Variants in IGSF11 observed in about 807,000 individuals in gnomAD.
IGSF11 encodes the protein CXADR like 1.
IGSF11 carries 22 observed loss-of-function variants against 41.0 expected under a neutral mutation model. That is an observed-to-expected ratio of 0.54 (90% CI 0.38 to 0.77). The LOEUF (loss-of-function observed/expected upper bound fraction) is 0.77. Among genes scored for constraint, IGSF11 ranks in the 30% least tolerant of loss-of-function variants. IGSF11 has a pLI of 0.00. For synonymous variants in IGSF11, 219 were observed against 201.3 expected (o/e 1.09, Z -0.74); for missense variants, 444 against 530.8 (o/e 0.84, Z 1.61).
rs1363645582 is a variant in IGSF11, at chr3:118,926,219, G to A, written c.462C>T (p.Ser154=). 1 of 1,609,494 alleles carries A rather than the reference G, an allele frequency of 6.2e-7. No individual in the cohort carries two copies. Among genetic ancestry groups the A allele is most frequent in the African/African-American group, 1.3e-5 (1 of 74,892 alleles). Residue 154 remains serine (S), a synonymous_variant, in exon 4 of 7, where the codon TCC becomes TCT. Transcript: ENST00000393775. Reference sequence around the variant, plus strand: ...GGATGACATCGCTGCCAATATCCTGGGATCCTTGGATTTGGCAGTGTGGGG... The same window carrying A: ...GGATGACATCGCTGCCAATATCCTGAGATCCTTGGATTTGGCAGTGTGGGG... ...PSAPHCQIQG[S]QDIGSDVILL... is the part of the protein sequence containing the mutation.
intron 1 of IGSF11, among the ~76,000 whole-genome samples, chr3:119,135,523 A>T (rs2077549046): frequency 6.6e-6 from 1 of 152,226 alleles, no homozygotes; most frequent in Admixed American, 6.5e-5. Context: ...ATATCATCTC[A>T]CGCAGGTTAG....
At position 119,016,283 on chromosome 3, in the gene IGSF11, G is replaced by A. The variant is rs560444645; in HGVS notation, c.52+18248C>T. On this transcript the variant is annotated intron_variant, in intron 1 of 6. Coordinates refer to ENST00000393775, the MANE Select transcript of IGSF11 (RefSeq NM_001015887.3). ...AGCTGGGGAAGCCAGGTGGCATATG[G>A]CATGTGTTCAAAGGTTCTCAAAGTA... Among the ~76,000 whole-genome samples, 7 of 152,308 alleles carry A rather than the reference G, an allele frequency of 4.6e-5. No homozygotes were observed. In the East Asian group the frequency reaches 1.3e-3, roughly 29 times the overall value.
intron 1 of IGSF11, among the ~76,000 whole-genome samples, chr3:118,952,918 T>C (rs1376882826): frequency 1.3e-5 from 2 of 152,108 alleles, no homozygotes; most frequent in African/African-American, 4.8e-5. Flanking sequence ...TTTATTTCCA[T>C]AGGTTTTTGG....
chr3:118,969,265 C>G (rs1459882492), intron 1 of IGSF11, among the ~76,000 whole-genome samples: 1 of 152,150 alleles, frequency 6.6e-6, no homozygotes, highest in Non-Finnish European at 1.5e-5. Context: ...AATGACAGCT[C>G]TGTCAGGGCT....
intron 1 of IGSF11, among the ~76,000 whole-genome samples, chr3:119,040,247 A>G (rs1407365543): frequency 6.6e-6 from 1 of 152,126 alleles, no homozygotes; most frequent in Non-Finnish European, 1.5e-5. Context: ...CCCTCCCAGG[A>G]AATGACTCAG....
intron 1 of IGSF11, among the ~76,000 whole-genome samples, chr3:118,934,854 T>G (rs1943120845): frequency 6.6e-6 from 1 of 152,198 alleles, no homozygotes; most frequent in African/African-American, 2.4e-5. Context: ...AAATTTCTCT[T>G]GACTCCTGGA....
intron 1 of IGSF11, among the ~76,000 whole-genome samples, chr3:118,997,086 T>C (rs570054070): frequency 2.6e-5 from 4 of 152,316 alleles, no homozygotes; most frequent in Admixed American, 2.0e-4. Context: ...CAACTGGTAG[T>C]AGGAGCCTGA....
At position 118,902,631 on chromosome 3, in the gene IGSF11, C is replaced by T. The variant is rs1440419449; in HGVS notation, c.1185G>A (p.Lys395=). The change falls in exon 7 of 7, where the codon AAG becomes AAA. Residue 395 remains lysine (K), a synonymous_variant. Coordinates refer to ENST00000393775, the MANE Select transcript of IGSF11 (RefSeq NM_001015887.3). ...MSRSNGSVSR[K]PRPPHTHSYT... Reference sequence around the variant, plus strand: ...AGGAATGAGTGTGTGGAGGCCGAGGCTTCCTACTGACTGAGCCATTGCTCC... The same window carrying T: ...AGGAATGAGTGTGTGGAGGCCGAGGTTTCCTACTGACTGAGCCATTGCTCC... The T allele has an allele frequency of 7.4e-6, 12 of 1,614,078 alleles. No individual in the cohort carries two copies. The highest frequency in any genetic ancestry group is 5.0e-5 in the Admixed American group (3 of 60,016).
chr3:119,019,730 C>T (rs141573128), intron 1 of IGSF11, among the ~76,000 whole-genome samples: 617 of 152,242 alleles, frequency 4.1e-3, no homozygotes, highest in South Asian at 1.0e-2. Context: ...AAATGCTCCT[C>T]CGTGAGGGTA....
intron 4 of IGSF11, among the ~76,000 whole-genome samples, chr3:118,913,821 T>A (rs1329121129): frequency 6.6e-6 from 1 of 152,034 alleles, no homozygotes; most frequent in Non-Finnish European, 1.5e-5. Flanking sequence ...AAGTTAAAAA[T>A]AAGGTGGAAC....
intron 2 of IGSF11, 92 bp from the exon 3 acceptor site, chr3:118,928,808 A>G: frequency 1.1e-6 from 1 of 897,364 alleles, no homozygotes; most frequent in Non-Finnish European, 1.7e-6. Flanking sequence ...CAAATGCTGC[A>G]CCAAACATTG....
intron 1 of IGSF11, among the ~76,000 whole-genome samples, chr3:118,969,045 T>C (rs544702259): frequency 6.6e-6 from 1 of 152,246 alleles, no homozygotes; most frequent in South Asian, 2.1e-4. Context: ...GCCCACCATA[T>C]GCTAGCATTC....
chr3:118,960,044 CAAAAAAA>C (rs199913346), intron 1 of IGSF11, among the ~76,000 whole-genome samples: 3 of 81,122 alleles, frequency 3.7e-5, no homozygotes, highest in African/African-American at 1.6e-4. Flanking sequence ...GACTCCGTCT[CAAAAAAA>C]AAAAAAAAAG....
At chr3:119,086,394 G>T (rs984313778) in intron 1 of IGSF11, among the ~76,000 whole-genome samples, 2 of 151,938 alleles carry the variant, frequency 1.3e-5, no homozygotes, top group Non-Finnish European at 2.9e-5. Flanking sequence ...GAAAAACGTG[G>T]CCAGACACTA....
At chr3:119,004,385 C>T (rs1358472322) in intron 1 of IGSF11, among the ~76,000 whole-genome samples, 2 of 151,366 alleles carry the variant, frequency 1.3e-5, no homozygotes, top group Non-Finnish European at 2.9e-5. Context: ...AGCGGTCTAT[C>T]AATTTTGTTG....
intron 1 of IGSF11, among the ~76,000 whole-genome samples, chr3:119,143,930 A>C (rs1019745560): frequency 2.0e-5 from 3 of 151,816 alleles, no homozygotes; most frequent in Admixed American, 6.6e-5. Flanking sequence ...TCTTGTTTAT[A>C]ATATTTATTT....
At chr3:118,964,964 A>C (rs1020585896) in intron 1 of IGSF11, among the ~76,000 whole-genome samples, 2 of 152,136 alleles carry the variant, frequency 1.3e-5, no homozygotes, top group Non-Finnish European at 2.9e-5. Context: ...AATTTTGTAT[A>C]ACTTCCACGT....
At chr3:119,064,511 C>CTTTTTTTTTTTT (rs779910295) in intron 1 of IGSF11, among the ~76,000 whole-genome samples, 1 of 101,398 alleles carries the variant, frequency 9.9e-6, no homozygotes, top group Non-Finnish European at 2.0e-5. Context: ...CTTGGCTGCT[C>CTTTTTTTTTTTT]TTTTTTTTTT....
At chr3:118,950,644 T>A (rs1057446404) in intron 1 of IGSF11, among the ~76,000 whole-genome samples, 11 of 151,922 alleles carry the variant, frequency 7.2e-5, no homozygotes, top group Admixed American at 2.0e-4. Flanking sequence ...TACATTATAA[T>A]AATACATTAT....
Sources: gnomAD v4.1 joint callset for allele counts (sites outside exome capture counted in the v4.1 genomes callset) on GRCh38, gnomAD v4.1.1 for gene constraint, MANE v1.5 for transcripts, NCBI Gene and HGNC (gene_info 2026-07-23, HGNC 2026-07-21) for gene names.